Variants in AP4S1 observed in about 807,000 individuals in gnomAD.
AP4S1 encodes the protein AP-4 complex subunit sigma-1.
In AP4S1, 23 loss-of-function variants were observed where a neutral mutation model predicts 19.8. The observed-to-expected ratio is 1.16, with a 90% CI of 0.84 to 1.65. The LOEUF is 1.65. AP4S1 is among the 40% of genes most tolerant of loss of function. The pLI is 0.00. For missense variants in AP4S1, 166 were observed against 172.8 expected (o/e 0.96, Z 0.22); for synonymous variants, 46 against 54.1 (o/e 0.85, Z 0.66).
At chr14:31,066,426 A>G in intron 2 of AP4S1, 92 bp downstream of exon 2, 1 of 1,522,364 alleles carries the variant, frequency 6.6e-7, no homozygotes, top group Non-Finnish European at 9.1e-7. Context: ...ATTTTCTTTG[A>G]GCTATATTCC....
rs375129249 is a variant in AP4S1, at chr14:31,069,939, T to C, written c.225+10T>C. The C allele has an allele frequency of 1.9e-6, 3 of 1,592,250 alleles. No homozygotes were observed. The highest frequency in any genetic ancestry group is 1.3e-5 in the African/African-American group (1 of 74,468). On this transcript the variant is annotated intron_variant, in intron 3 of 5. Transcript: ENST00000542754. ...AGTTAATGACACTGAGGTAAGATAA[T>C]AGAAGAGCCCTTGGAAAATGCAAGA... is the stretch of plus-strand genomic sequence containing the variant.
intron 1 of AP4S1, among the ~76,000 whole-genome samples, chr14:31,037,646 A>T (rs961516689): frequency 1.3e-5 from 2 of 152,148 alleles, no homozygotes; most frequent in African/African-American, 4.8e-5. Context: ...TTGTCTGACA[A>T]TTTAAATTTA....
At chr14:31,072,213 T>A (rs1887050687) in intron 3 of AP4S1, among the ~76,000 whole-genome samples, 1 of 152,078 alleles carries the variant, frequency 6.6e-6, no homozygotes, top group South Asian at 2.1e-4. Flanking sequence ...AGTGCTGGGA[T>A]TACAGACATG....
intron 1 of AP4S1, among the ~76,000 whole-genome samples, chr14:31,031,369 A>G (rs8007306): frequency 1.6e-4 from 24 of 152,148 alleles, no homozygotes; most frequent in African/African-American, 5.8e-4. Context: ...AAGGACCTCT[A>G]CCCCTCTTGT....
intron 1 of AP4S1, 189 bp downstream of exon 1, chr14:31,025,976 G>A (rs2139377245): frequency 5.1e-6 from 8 of 1,580,384 alleles, no homozygotes; most frequent in Non-Finnish European, 6.0e-6. Context: ...GCTGGATGTA[G>A]TGCAGTATCC....
chr14:31,031,798 A>G (rs1475005173), intron 1 of AP4S1, among the ~76,000 whole-genome samples: 2 of 152,054 alleles, frequency 1.3e-5, no homozygotes, highest in South Asian at 2.1e-4. Flanking sequence ...GAAACTTCCT[A>G]TTTGTTCTGT....
chr14:31,049,922 A>G (rs1885686797), intron 1 of AP4S1, among the ~76,000 whole-genome samples: 1 of 149,968 alleles, frequency 6.7e-6, no homozygotes, highest in African/African-American at 2.5e-5. Flanking sequence ...TTATTTATTT[A>G]TTATTTTTTG....
intron 5 of AP4S1, among the ~76,000 whole-genome samples, chr14:31,092,075 C>T (rs1888092047): frequency 6.6e-6 from 1 of 152,170 alleles, no homozygotes; most frequent in East Asian, 1.9e-4. Flanking sequence ...TTTCCCCATG[C>T]CCCATACTAA....
intron 5 of AP4S1, among the ~76,000 whole-genome samples, chr14:31,083,205 A>T (rs370276183): frequency 1.3e-5 from 2 of 152,174 alleles, no homozygotes; most frequent in East Asian, 1.9e-4. Flanking sequence ...TCTTGTTTGA[A>T]TTAAAATTTT....
At chr14:31,026,185 TTG>T (rs1216691033) in intron 1 of AP4S1, 3 of 1,461,698 alleles carry the variant, frequency 2.1e-6, no homozygotes, top group Non-Finnish European at 1.8e-6. Context: ...AGCTCGTCCA[TTG>T]TGTGTGGGGC....
At chr14:31,074,332 TA>T (rs1887227870) in intron 4 of AP4S1, among the ~76,000 whole-genome samples, 4 of 107,182 alleles carry the variant, frequency 3.7e-5, no homozygotes, top group Non-Finnish European at 8.5e-5. Flanking sequence ...CTCAAATAAA[TA>T]AATAAATAAA....
intron 1 of AP4S1, among the ~76,000 whole-genome samples, chr14:31,057,084 A>G (rs1886162836): frequency 6.6e-6 from 1 of 152,086 alleles, no homozygotes; most frequent in Non-Finnish European, 1.5e-5. Flanking sequence ...AAAAAACAGA[A>G]CAAAAAAAAG....
At chr14:31,084,705 C>T (rs372843411) in intron 5 of AP4S1, 1 of 1,608,414 alleles carries the variant, frequency 6.2e-7, no homozygotes, top group African/African-American at 1.3e-5. Context: ...GACTTTGCCC[C>T]ATCACATACC....
At position 31,071,695 on chromosome 14, in the gene AP4S1, G is replaced by A. The variant is rs149021620; in HGVS notation, c.226-1210G>A. Reference sequence around the variant, plus strand: ...AGCCTCCCAAAGTGCTGGGATTACAGGCGTGAGCCACCGCACCCGGCCTAA... The same window carrying A: ...AGCCTCCCAAAGTGCTGGGATTACAAGCGTGAGCCACCGCACCCGGCCTAA... On this transcript the variant is annotated intron_variant, in intron 3 of 5. Coordinates refer to ENST00000542754, the MANE Select transcript of AP4S1 (RefSeq NM_001128126.3). Among the ~76,000 whole-genome samples the A allele has an allele frequency of 9.1e-4, 138 of 151,676 alleles. No homozygotes were observed. In the East Asian group the frequency reaches 0.017, roughly 19 times the overall value.
chr14:31,039,192 T>C (rs1465604806), intron 1 of AP4S1, among the ~76,000 whole-genome samples: 1 of 151,974 alleles, frequency 6.6e-6, no homozygotes, highest in Non-Finnish European at 1.5e-5. Flanking sequence ...ACTTTTTCTT[T>C]ACTTTTTTTT....
intron 1 of AP4S1, among the ~76,000 whole-genome samples, chr14:31,060,325 TG>T (rs1210746031): frequency 6.6e-6 from 1 of 152,054 alleles, no homozygotes; most frequent in Non-Finnish European, 1.5e-5. Flanking sequence ...TGCACGGATT[TG>T]GTTATACTCA....
chr14:31,047,564 T>G (rs577803093), intron 1 of AP4S1, among the ~76,000 whole-genome samples: 2 of 151,968 alleles, frequency 1.3e-5, no homozygotes, highest in South Asian at 4.2e-4. Flanking sequence ...GCTAATTTTT[T>G]ATGGTTTTTT....
intron 1 of AP4S1, among the ~76,000 whole-genome samples, chr14:31,044,516 T>C (rs1007915298): frequency 1.3e-5 from 2 of 151,802 alleles, no homozygotes; most frequent in African/African-American, 4.8e-5. Context: ...TAATTTTTTT[T>C]TTCTTTTTTT....
chr14:31,026,037 C>T, intron 1 of AP4S1: 1 of 1,537,342 alleles, frequency 6.5e-7, no homozygotes, highest in Non-Finnish European at 8.8e-7. Context: ...TGCCGCGGGA[C>T]CCGCTCCCTC....
Sources: allele counts gnomAD v4.1 joint callset (sites outside exome capture counted in the v4.1 genomes callset), GRCh38; gene constraint gnomAD v4.1.1; transcripts MANE v1.5; gene names NCBI Gene and HGNC (gene_info 2026-07-23, HGNC 2026-07-21).